Variants in TMEM131 observed in about 807,000 individuals in gnomAD.
TMEM131 encodes the protein transmembrane protein 131.
Under a neutral mutation model 211.6 loss-of-function variants are expected in TMEM131, and 66 were observed. The observed-to-expected ratio is 0.31, with a 90% CI of 0.26 to 0.38. TMEM131 has a LOEUF of 0.38. TMEM131 is among the 10% of genes least tolerant of loss of function. The probability of loss-of-function intolerance (pLI) is 1.00; values close to 1 mark genes in which losing one functional copy is unlikely to be tolerated. For synonymous variants in TMEM131, 844 were observed against 841.3 expected (o/e 1.00, Z -0.06); for missense variants, 2,036 against 2,299.3 (o/e 0.89, Z 2.34).
At chr2:97,983,678 C>T (rs1679902929) in intron 1 of TMEM131, among the ~76,000 whole-genome samples, 3 of 152,024 alleles carry the variant, frequency 2.0e-5, no homozygotes, top group Non-Finnish European at 4.4e-5. Flanking sequence ...CTCAAGGGGG[C>T]TGCCTTTGAT....
chr2:97,765,440 T>C (rs1679113734), intron 35 of TMEM131: 1 of 152,350 alleles, frequency 6.6e-6, no homozygotes, highest in African/African-American at 2.4e-5. Context: ...TCCAACACAG[T>C]GGTGAGTGCG....
At chr2:97,923,600 TAAC>T (rs893759694) in intron 2 of TMEM131, among the ~76,000 whole-genome samples, 1 of 117,646 alleles carries the variant, frequency 8.5e-6, no homozygotes, top group Non-Finnish European at 1.6e-5. Flanking sequence ...CCAGCATGGG[TAAC>T]AGAGCAAGAC....
Position 97,757,211 on chromosome 2 carries a change from C to A in TMEM131, c.5540G>T (p.Ser1847Ile). ...GGTCTGTCCCAAGTCGTCAGCTGGACTGGAGGTGGAGGGAGCGTGAGGAGC... is the reference window on the plus strand; with the variant it reads ...GGTCTGTCCCAAGTCGTCAGCTGGAATGGAGGTGGAGGGAGCGTGAGGAGC... The part of the protein sequence containing the change: ...SPAPHAPSTS[S>I]PADDLGQTYN... The change falls in exon 41 of 41, where the codon AGT (serine) becomes ATT (isoleucine). Residue 1847 changes from serine to isoleucine, a missense_variant. Physicochemically the swap from Ser to Ile is moderately radical, Grantham distance 142. Coordinates refer to ENST00000186436, the MANE Select transcript of TMEM131 (RefSeq NM_015348.2). 6.2e-7 allele frequency: 1 copy of A among 1,613,964 alleles called. No homozygotes were observed. The highest frequency in any genetic ancestry group is 8.5e-7 in the Non-Finnish European group (1 of 1,179,886).
In TMEM131 at chr2:97,792,814, T is replaced by C. The variant is rs1409334687; in HGVS notation, c.3716A>G (p.Asn1239Ser). ...AGTCCTACTAGAGGTACTTGAACTG[T>C]TTTTGGCTCTGACGTTTTCCACGTC... ...SADVENVRAK[N>S]SSSTSSRTSA... The change falls in exon 31 of 41, where the codon AAC (asparagine) becomes AGC (serine). Residue 1239 changes from asparagine (N) to serine (S), a missense_variant. Transcript: ENST00000186436. The C allele has an allele frequency of 6.2e-7, 1 of 1,613,984 alleles. No homozygotes were observed. The highest frequency in any genetic ancestry group is 1.7e-5 in the Admixed American group (1 of 60,030).
intron 35 of TMEM131, chr2:97,763,087 C>G (rs1035650943): frequency 6.6e-6 from 1 of 152,230 alleles, no homozygotes; most frequent in African/African-American, 2.4e-5. Flanking sequence ...CCTGGCTGGC[C>G]CCTCCTGCCT....
intron 2 of TMEM131, among the ~76,000 whole-genome samples, chr2:97,923,028 C>G (rs915141360): frequency 6.6e-6 from 1 of 152,190 alleles, no homozygotes; most frequent in East Asian, 1.9e-4. Flanking sequence ...GTGGCTCACA[C>G]CTGTAATCCC....
At chr2:97,809,344 C>T (rs898808801) in intron 19 of TMEM131, among the ~76,000 whole-genome samples, 8 of 152,178 alleles carry the variant, frequency 5.3e-5, no homozygotes, top group Non-Finnish European at 7.3e-5. Flanking sequence ...TCTCTGCCAC[C>T]CCTTCTCCAT....
At chr2:97,800,782 G>C (rs1412590397) in intron 25 of TMEM131, among the ~76,000 whole-genome samples, 1 of 151,542 alleles carries the variant, frequency 6.6e-6, no homozygotes. Flanking sequence ...AAAAAGAAAA[G>C]CAGAATGAAA....
intron 2 of TMEM131, among the ~76,000 whole-genome samples, chr2:97,925,031 C>T (rs1368833699): frequency 1.3e-5 from 2 of 152,024 alleles, no homozygotes; most frequent in Non-Finnish European, 2.9e-5. Flanking sequence ...AGGTGTGTGC[C>T]AACACACCTG....
At chr2:97,913,573 C>T (rs1413391222) in intron 2 of TMEM131, among the ~76,000 whole-genome samples, 1 of 152,170 alleles carries the variant, frequency 6.6e-6, no homozygotes, top group Non-Finnish European at 1.5e-5. Context: ...ATGCCTAAAA[C>T]CAACTTTTAG....
At chr2:97,766,726 C>G in intron 33 of TMEM131, 124 bp from the exon 34 acceptor site, 1 of 1,151,746 alleles carries the variant, frequency 8.7e-7, no homozygotes. Flanking sequence ...CTTCCTGGGG[C>G]GTTATCTACC....
At chr2:97,994,943 G>A (rs937673528) in intron 1 of TMEM131, among the ~76,000 whole-genome samples, 2 of 152,190 alleles carry the variant, frequency 1.3e-5, no homozygotes, top group African/African-American at 4.8e-5. Context: ...TTACTAAAGA[G>A]TTAAATGGAA....
chr2:97,995,496 G>A lies in TMEM131; in HGVS notation c.167C>T (p.Ala56Val). The A allele has an allele frequency of 1.4e-6, 2 of 1,409,228 alleles. No individual in the cohort carries two copies. The highest frequency in any genetic ancestry group is 1.9e-6 in the Non-Finnish European group (2 of 1,076,136). 87.3% of individuals were successfully genotyped at this position (1,409,228 alleles called of 1,614,324 possible). The change falls in exon 1 of 41, where the codon GCG (alanine) becomes GTG (valine). Residue 56 changes from alanine (A) to valine (V), a missense_variant. Coordinates refer to ENST00000186436, the MANE Select transcript of TMEM131 (RefSeq NM_015348.2). ...CCCACCTTCCTTCTCGGCCCGCGCC[G>A]CAGCCACTACGAGGGTCATCACCAG... is the stretch of plus-strand genomic sequence containing the variant. Reference protein sequence around the residue: ...LHLVMTLVVAAARAEKEAFVQ... With the variant: ...LHLVMTLVVAVARAEKEAFVQ...
chr2:97,957,666 T>G (rs1678632843), intron 1 of TMEM131, among the ~76,000 whole-genome samples: 1 of 152,102 alleles, frequency 6.6e-6, no homozygotes, highest in African/African-American at 2.4e-5. Flanking sequence ...TGTGCTCAAG[T>G]GTTAGAACTT....
At chr2:97,760,032 A>C (rs1678737354) in intron 38 of TMEM131, 1 of 384,034 alleles carries the variant, frequency 2.6e-6, no homozygotes, top group Non-Finnish European at 4.8e-6. Context: ...GCTTTTTGGT[A>C]CTGGAAGATT....
rs1264242557 is a variant in TMEM131 at position 97,798,984 on chromosome 2, G to A, written c.2719-1468C>T. ...ACTTTAAGATGTTGTGATGCCTCCC[G>A]TATACCATTCAGGACCTTAATAATT... On this transcript the variant is annotated intron_variant, in intron 25 of 40. Coordinates refer to ENST00000186436, the MANE Select transcript of TMEM131 (RefSeq NM_015348.2). 2.6e-5 allele frequency among the ~76,000 whole-genome samples: 4 copies of A among 152,124 alleles called. No individual in the cohort carries two copies. The South Asian group carries it at 6.2e-4, about 24-fold the overall frequency.
chr2:97,821,369 A>C (rs1682111782), intron 11 of TMEM131, among the ~76,000 whole-genome samples: 1 of 152,210 alleles, frequency 6.6e-6, no homozygotes, highest in Admixed American at 6.5e-5. Flanking sequence ...AAATGGACCA[A>C]TCAGCAGGAC....
intron 1 of TMEM131, among the ~76,000 whole-genome samples, chr2:97,950,968 A>G (rs1007827585): frequency 1.3e-5 from 2 of 152,244 alleles, no homozygotes; most frequent in Admixed American, 6.5e-5. Flanking sequence ...ACAAACCAAG[A>G]GGAACTCATT....
At chr2:97,905,325 T>C (rs2104354593) in intron 3 of TMEM131, among the ~76,000 whole-genome samples, 1 of 152,342 alleles carries the variant, frequency 6.6e-6, no homozygotes, top group South Asian at 2.1e-4. Flanking sequence ...GTCATTCCTA[T>C]CTTTTGAACT....
Sources: gnomAD v4.1 joint callset for allele counts (sites outside exome capture counted in the v4.1 genomes callset) on GRCh38, gnomAD v4.1.1 for gene constraint, MANE v1.5 for transcripts, NCBI Gene and HGNC (gene_info 2026-07-23, HGNC 2026-07-21) for gene names.